The following SRGAP3 variants were observed in gnomAD, a reference collection of about 807,000 sequenced individuals.
SRGAP3 encodes the protein SLIT-ROBO Rho GTPase-activating protein 3.
SRGAP3 carries 39 observed loss-of-function variants against 121.1 expected under a neutral mutation model. The observed-to-expected ratio is 0.32, with a 90% CI of 0.25 to 0.42. The LOEUF (loss-of-function observed/expected upper bound fraction) is 0.42, where lower values mean the gene tolerates loss of function less well. Ranked by LOEUF, SRGAP3 falls within the 10% of genes least tolerant of loss-of-function variation. SRGAP3 has a pLI of 1.00. For synonymous variants in SRGAP3, 601 were observed against 570.0 expected (o/e 1.05, Z -0.77); for missense variants, 1,213 against 1,470.6 (o/e 0.82, Z 2.86).
At chr3:9,357,577 C>A (rs2030587282) in intron 1 of SRGAP3, among the ~76,000 whole-genome samples, 1 of 147,896 alleles carries the variant, frequency 6.8e-6, no homozygotes, top group Non-Finnish European at 1.5e-5. Context: ...GAATGTTACT[C>A]TTCTGGGGAG....
intron 1 of SRGAP3, among the ~76,000 whole-genome samples, chr3:9,341,604 A>G (rs1323281906): frequency 6.6e-6 from 1 of 152,214 alleles, no homozygotes; most frequent in African/African-American, 2.4e-5. Flanking sequence ...GTCAGCACCC[A>G]AAGGAGGCTG....
chr3:8,983,654 G>C lies in SRGAP3; in HGVS notation c.*1865C>G, dbSNP rs115457597. The C allele has an allele frequency of 3.7e-3, 848 of 231,822 alleles. 4 individuals carry two copies. Among genetic ancestry groups the C allele is most frequent in the Middle Eastern group, 7.7e-3 (6 of 780 alleles). 14.4% of individuals were successfully genotyped at this position (231,822 alleles called of 1,614,324 possible). A position where few individuals can be genotyped will look rare whatever the true frequency, so the allele number is the denominator to read the frequency against. On this transcript the variant is annotated 3_prime_UTR_variant, in exon 22 of 22. Transcript: ENST00000383836. Reference sequence around the variant, plus strand: ...AAATGCCATTGGGAGGTTTCAAAAAGAAGGGCTGGAGGGCTCTGATCTAAG... The same window carrying C: ...AAATGCCATTGGGAGGTTTCAAAAACAAGGGCTGGAGGGCTCTGATCTAAG...
chr3:9,270,572 T>TA (rs1395797465), intron 3 of SRGAP3, among the ~76,000 whole-genome samples: 1 of 152,204 alleles, frequency 6.6e-6, no homozygotes, highest in African/African-American at 2.4e-5. Flanking sequence ...TTAACTCATT[T>TA]AAAAAAACTC....
chr3:9,251,973 G>A (rs545154038), upstream of SRGAP3, among the ~76,000 whole-genome samples: 2 of 152,180 alleles, frequency 1.3e-5, no homozygotes, highest in East Asian at 3.9e-4. Flanking sequence ...GCCTGGCATA[G>A]AGCAGAAGTC....
chr3:9,074,538 T>C (rs1462942504), intron 4 of SRGAP3, among the ~76,000 whole-genome samples: 1 of 152,110 alleles, frequency 6.6e-6, no homozygotes, highest in African/African-American at 2.4e-5. Flanking sequence ...AAGAAAAATA[T>C]TCAGTAAATG....
rs370888654 is a variant in SRGAP3 at position 9,249,383 on chromosome 3, C to A, written c.-432G>T. 38 of 316,660 alleles carry A rather than the reference C, an allele frequency of 1.2e-4. No homozygotes were observed. In the East Asian group the frequency reaches 1.4e-3, roughly 12 times the overall value. 19.6% of individuals were successfully genotyped at this position (316,660 alleles called of 1,614,324 possible). A position where few individuals can be genotyped will look rare whatever the true frequency, so the allele number is the denominator to read the frequency against. On this transcript the variant is annotated 5_prime_UTR_variant, in exon 1 of 22. It adds an upstream start codon to the 5' untranslated region. Coordinates refer to ENST00000383836, the MANE Select transcript of SRGAP3 (RefSeq NM_014850.4). The stretch of plus-strand genomic sequence containing the variant: ...GCACACAGGCATACACACACACACC[C>A]TCACACGCACACACACTCGCTGGAT...
intron 15 of SRGAP3, among the ~76,000 whole-genome samples, chr3:9,015,294 C>T (rs1943578720): frequency 6.6e-6 from 1 of 152,102 alleles, no homozygotes; most frequent in Admixed American, 6.5e-5. Context: ...TTCCCAGGAT[C>T]CCCCGTGCTC....
intron 1 of SRGAP3, among the ~76,000 whole-genome samples, chr3:9,215,938 GACTTCCC>G (rs1472994959): frequency 9.2e-5 from 14 of 152,286 alleles, no homozygotes; most frequent in African/African-American, 3.1e-4. Context: ...CCTAGCATGG[GACTTCCC>G]AACCTCCATT....
At chr3:9,007,862 C>G (rs918825874) in intron 18 of SRGAP3, 16 of 152,164 alleles carry the variant, frequency 1.1e-4, no homozygotes, top group African/African-American at 3.4e-4. Flanking sequence ...ACTGTCTCTG[C>G]AGCTCACTAT....
intron 1 of SRGAP3, among the ~76,000 whole-genome samples, chr3:9,164,560 G>C (rs1950718274): frequency 6.6e-6 from 1 of 152,052 alleles, no homozygotes. Context: ...AAAGTGCTGG[G>C]ATTATAGGTG....
Position 9,090,150 on chromosome 3 carries a change from C to T in SRGAP3, c.424-10063G>A, listed in dbSNP as rs765452065. On this transcript the variant is annotated intron_variant, in intron 3 of 21. Coordinates refer to ENST00000383836, the MANE Select transcript of SRGAP3 (RefSeq NM_014850.4). The stretch of plus-strand genomic sequence containing the variant: ...ATACCGAAATGACCACTGAATGAGA[C>T]GGCCTTCTGAAAACGCTCCACCAAG... 6.6e-5 allele frequency among the ~76,000 whole-genome samples: 10 copies of T among 152,240 alleles called. No individual in the cohort carries two copies. In the East Asian group the frequency reaches 7.7e-4, roughly 12 times the overall value.
chr3:9,240,655 T>C (rs1196337787), intron 1 of SRGAP3, among the ~76,000 whole-genome samples: 1 of 152,120 alleles, frequency 6.6e-6, no homozygotes, highest in Non-Finnish European at 1.5e-5. Flanking sequence ...GGAGAGACAG[T>C]CTAAAAGTAA....
chr3:9,134,494 T>G (rs1319333991), intron 1 of SRGAP3, among the ~76,000 whole-genome samples: 1 of 152,124 alleles, frequency 6.6e-6, no homozygotes, highest in African/African-American at 2.4e-5. Flanking sequence ...CATGACATCC[T>G]ATGAGGCTGG....
At chr3:9,003,068 G>C (rs1460244824) in intron 18 of SRGAP3, among the ~76,000 whole-genome samples, 1 of 152,130 alleles carries the variant, frequency 6.6e-6, no homozygotes, top group Non-Finnish European at 1.5e-5. Context: ...AGGGAACACT[G>C]CTCAACTAAT....
intron 21 of SRGAP3, among the ~76,000 whole-genome samples, chr3:8,988,657 T>C (rs1355317124): frequency 6.6e-6 from 1 of 152,152 alleles, no homozygotes; most frequent in Non-Finnish European, 1.5e-5. Context: ...AGATTCACAG[T>C]GCACATCTTT....
chr3:9,291,396 G>A (rs1422298307), intron 3 of SRGAP3, among the ~76,000 whole-genome samples: 2 of 152,188 alleles, frequency 1.3e-5, no homozygotes, highest in Non-Finnish European at 2.9e-5. Flanking sequence ...AGTACCATGT[G>A]AGTCCCTTTG....
chr3:9,230,086 G>A (rs1168156363), intron 1 of SRGAP3, among the ~76,000 whole-genome samples: 2 of 152,210 alleles, frequency 1.3e-5, no homozygotes, highest in East Asian at 1.9e-4. Context: ...CTGCAGCGCG[G>A]CTCTTACAGT....
chr3:9,191,437 C>G (rs967224177), intron 1 of SRGAP3, among the ~76,000 whole-genome samples: 1 of 152,208 alleles, frequency 6.6e-6, no homozygotes, highest in African/African-American at 2.4e-5. Context: ...AACCCATCCA[C>G]AGGATGCTGA....
chr3:9,191,150 G>A (rs182968747), intron 1 of SRGAP3, among the ~76,000 whole-genome samples: 11 of 152,070 alleles, frequency 7.2e-5, no homozygotes, highest in African/African-American at 1.7e-4. Context: ...GTGTGGAGTC[G>A]CCCTCATTCA....
Sources: allele counts gnomAD v4.1 joint callset (sites outside exome capture counted in the v4.1 genomes callset), GRCh38; gene constraint gnomAD v4.1.1; transcripts MANE v1.5; gene names NCBI Gene and HGNC (gene_info 2026-07-23, HGNC 2026-07-21).